The following GRID2 variants were observed in gnomAD, a reference collection of about 807,000 sequenced individuals.
GRID2 encodes glutamate ionotropic receptor delta type subunit 2.
Under a neutral mutation model 114.8 loss-of-function variants are expected in GRID2, and 33 were observed. The observed-to-expected ratio is 0.29, with a 90% confidence interval of 0.22 to 0.38. The LOEUF is 0.38. GRID2 is among the 10% of genes least tolerant of loss of function. The pLI, the probability that GRID2 is intolerant of heterozygous loss-of-function variation, is 1.00. For missense variants in GRID2, 1,184 were observed against 1,257.7 expected (o/e 0.94, Z 0.89); for synonymous variants, 505 against 449.9 (o/e 1.12, Z -1.55).
chr4:92,422,556 A>G (rs752379570), intron 1 of GRID2, among the ~76,000 whole-genome samples: 31 of 152,022 alleles, frequency 2.0e-4, no homozygotes, highest in Non-Finnish European at 3.5e-4. Context: ...TAGGTAGGAG[A>G]TGAAATCACA....
intron 1 of GRID2, among the ~76,000 whole-genome samples, chr4:92,563,105 A>T (rs750459575): frequency 2.0e-5 from 3 of 152,170 alleles, no homozygotes; most frequent in African/African-American, 4.8e-5. Flanking sequence ...AGTAACTATT[A>T]TCAGAGTGAT....
chr4:92,565,647 C>T (rs1727300664), intron 1 of GRID2, among the ~76,000 whole-genome samples: 1 of 151,904 alleles, frequency 6.6e-6, no homozygotes, highest in South Asian at 2.1e-4. Context: ...GTTTCTACTA[C>T]TAGTTCCTAA....
chr4:92,725,955 GA>G (rs1307135722), intron 2 of GRID2, among the ~76,000 whole-genome samples: 1 of 152,048 alleles, frequency 6.6e-6, no homozygotes, highest in African/African-American at 2.4e-5. Context: ...AAAACTGAGA[GA>G]AACTCTAAAA....
chr4:93,354,040 C>T (rs1357982121), intron 8 of GRID2, among the ~76,000 whole-genome samples: 1 of 151,202 alleles, frequency 6.6e-6, no homozygotes, highest in African/African-American at 2.4e-5. Flanking sequence ...CACACACACA[C>T]ACATATGCCA....
chr4:92,409,851 C>T (rs1731211751), intron 1 of GRID2, among the ~76,000 whole-genome samples: 1 of 152,080 alleles, frequency 6.6e-6, no homozygotes, highest in Non-Finnish European at 1.5e-5. Flanking sequence ...TGGCCTGGGA[C>T]AGACTGTGCT....
intron 2 of GRID2, among the ~76,000 whole-genome samples, chr4:93,040,574 G>A (rs996624328): frequency 1.3e-5 from 2 of 152,058 alleles, no homozygotes; most frequent in Admixed American, 6.6e-5. Context: ...CATCAGAATG[G>A]ATATCATATT....
intron 2 of GRID2, among the ~76,000 whole-genome samples, chr4:92,972,600 ATTT>A (rs555442555): frequency 2.0e-5 from 3 of 148,792 alleles, no homozygotes; most frequent in African/African-American, 7.4e-5. Flanking sequence ...CAGGAAAATA[ATTT>A]TTTTTTTTAT....
intron 2 of GRID2, among the ~76,000 whole-genome samples, chr4:92,867,687 C>G (rs966470222): frequency 1.3e-5 from 2 of 151,826 alleles, no homozygotes; most frequent in African/African-American, 4.8e-5. Context: ...TCAATGGAAC[C>G]TTAAAAATTC....
intron 2 of GRID2, among the ~76,000 whole-genome samples, chr4:92,928,408 G>A (rs1425304529): frequency 6.6e-6 from 1 of 151,520 alleles, no homozygotes; most frequent in Admixed American, 6.6e-5. Flanking sequence ...TAATCTCATA[G>A]AAATACAAAA....
chr4:93,529,540 G>T (rs987705656), intron 13 of GRID2, among the ~76,000 whole-genome samples: 3 of 152,114 alleles, frequency 2.0e-5, no homozygotes, highest in Non-Finnish European at 2.9e-5. Flanking sequence ...AGTGGCCTAG[G>T]CTCAATTTTA....
intron 2 of GRID2, among the ~76,000 whole-genome samples, chr4:92,710,298 TAAAC>T (rs1031856619): frequency 2.6e-5 from 4 of 152,192 alleles, no homozygotes; most frequent in African/African-American, 4.8e-5. Flanking sequence ...AAGTACTAAA[TAAAC>T]AATTTTTAGA....
intron 13 of GRID2, among the ~76,000 whole-genome samples, chr4:93,522,394 C>A (rs1730426456): frequency 6.6e-6 from 1 of 152,038 alleles, no homozygotes; most frequent in African/African-American, 2.4e-5. Flanking sequence ...AATCGGTGGT[C>A]ATGACTATAA....
At chr4:92,921,055 T>G (rs1274751891) in intron 2 of GRID2, among the ~76,000 whole-genome samples, 1 of 152,168 alleles carries the variant, frequency 6.6e-6, no homozygotes, top group Non-Finnish European at 1.5e-5. Context: ...TTCTTTTTAT[T>G]CTTTTTTTCT....
At chr4:93,168,766 T>C (rs1317574801) in intron 4 of GRID2, among the ~76,000 whole-genome samples, 2 of 149,794 alleles carry the variant, frequency 1.3e-5, no homozygotes, top group East Asian at 3.9e-4. Context: ...ATGAAAGCTA[T>C]TACATATATA....
At chr4:93,318,548 C>A (rs1756914778) in intron 8 of GRID2, 1 of 152,042 alleles carries the variant, frequency 6.6e-6, no homozygotes, top group South Asian at 2.1e-4. Flanking sequence ...AAGAATTAAA[C>A]CTCGAAAGCC....
At chr4:93,739,631 G>T (rs956218019) in intron 14 of GRID2, among the ~76,000 whole-genome samples, 1 of 152,088 alleles carries the variant, frequency 6.6e-6, no homozygotes, top group African/African-American at 2.4e-5. Context: ...AGGAAAAGTT[G>T]CCACTATCCA....
intron 6 of GRID2, among the ~76,000 whole-genome samples, chr4:93,219,008 A>C (rs1579325668): frequency 6.6e-6 from 1 of 152,158 alleles, no homozygotes; most frequent in South Asian, 2.1e-4. Flanking sequence ...CTTATGATAC[A>C]TGGGAATTAT....
At chr4:92,671,642 G>A (rs1733076195) in intron 2 of GRID2, among the ~76,000 whole-genome samples, 1 of 152,088 alleles carries the variant, frequency 6.6e-6, no homozygotes, top group South Asian at 2.1e-4. Flanking sequence ...GTCAGCTGTG[G>A]ACCCAGAGGA....
chr4:93,604,247 A>G (rs1363436628), intron 13 of GRID2, among the ~76,000 whole-genome samples: 1 of 152,224 alleles, frequency 6.6e-6, no homozygotes, highest in African/African-American at 2.4e-5. Flanking sequence ...TCCAACCCCC[A>G]TAGATGACTT....
Sources: allele counts gnomAD v4.1 joint callset (sites outside exome capture counted in the v4.1 genomes callset), GRCh38; gene constraint gnomAD v4.1.1; transcripts MANE v1.5; gene names NCBI Gene and HGNC (gene_info 2026-07-23, HGNC 2026-07-21).